The following CSMD1 variants were observed in gnomAD, a reference collection of about 807,000 sequenced individuals.
CSMD1 encodes the protein CUB and sushi domain-containing protein 1.
Under a neutral mutation model 417.5 loss-of-function variants are expected in CSMD1, and 213 were observed. That is an observed-to-expected ratio of 0.51 (90% confidence interval 0.46 to 0.57). The LOEUF (loss-of-function observed/expected upper bound fraction) is 0.57. CSMD1 is among the 20% of genes least tolerant of loss of function. The pLI, the probability that CSMD1 is intolerant of heterozygous loss-of-function variation, is 0.00. For missense variants in CSMD1, 6,923 were observed against 4,529.7 expected, an observed-to-expected ratio of 1.53 and a Z score of -15.17; for synonymous variants, 2,862 against 1,736.8, an observed-to-expected ratio of 1.65 and a Z score of -16.11.
intron 37 of CSMD1, among the ~76,000 whole-genome samples, chr8:3,168,221 C>T (rs889590304): frequency 7.2e-5 from 11 of 152,088 alleles, no homozygotes; most frequent in Admixed American, 6.5e-4. Flanking sequence ...ATTCAACGCC[C>T]AGGTAGACCA....
At chr8:3,484,103 AT>A (rs1156544762) in intron 11 of CSMD1, among the ~76,000 whole-genome samples, 2 of 152,198 alleles carry the variant, frequency 1.3e-5, no homozygotes, top group African/African-American at 4.8e-5. Context: ...ACTTATATAG[AT>A]TGGCACCTGC....
chr8:3,956,538 G>C lies in CSMD1; in HGVS notation c.818+41365C>G, dbSNP rs2740853. Among the ~76,000 whole-genome samples, 8 of 152,186 alleles carry C rather than the reference G, an allele frequency of 5.3e-5. No individual in the cohort carries two copies. The East Asian group carries it at 7.7e-4, about 15-fold the overall frequency. On this transcript the variant is annotated intron_variant, in intron 5 of 69. Coordinates refer to ENST00000635120, the MANE Select transcript of CSMD1 (RefSeq NM_033225.6). The stretch of plus-strand genomic sequence containing the variant: ...CAGGTGGAAACTCAGTAAAAATAAT[G>C]GCTACTTTTTATCAAATACTTAATA...
intron 3 of CSMD1, among the ~76,000 whole-genome samples, chr8:4,409,764 A>T (rs1008001940): frequency 1.3e-5 from 2 of 152,008 alleles, no homozygotes; most frequent in African/African-American, 4.8e-5. Context: ...TAACTGTTCC[A>T]GGAGAATGTA....
chr8:3,975,311 C>T lies in CSMD1; in HGVS notation c.818+22592G>A, dbSNP rs952873327. 5.3e-5 allele frequency among the ~76,000 whole-genome samples: 8 copies of T among 152,192 alleles called. No homozygotes were observed. In the East Asian group the frequency reaches 7.7e-4, roughly 15 times the overall value. ...TTTTATACCTTTTTTACACAAAATG[C>T]CCTTAGAACAGTTTGGATGTTTGTG... On this transcript the variant is annotated intron_variant, in intron 5 of 69. Transcript: ENST00000635120.
chr8:4,180,510 T>A (rs1477219872), intron 3 of CSMD1, among the ~76,000 whole-genome samples: 4 of 151,584 alleles, frequency 2.6e-5, no homozygotes, highest in African/African-American at 4.8e-5. Context: ...CACACCAGCA[T>A]GGCACATGTA....
intron 26 of CSMD1, among the ~76,000 whole-genome samples, chr8:3,273,683 T>G (rs948186456): frequency 6.6e-6 from 1 of 152,346 alleles, no homozygotes; most frequent in Admixed American, 6.5e-5. Context: ...GTCCAGGAAT[T>G]TATCCATTTC....
intron 23 of CSMD1, among the ~76,000 whole-genome samples, chr8:3,318,547 A>C (rs541926656): frequency 6.1e-4 from 93 of 152,346 alleles, no homozygotes; most frequent in African/African-American, 2.2e-3. Context: ...CCATTCATTA[A>C]TTCAACACAT....
chr8:4,374,349 A>G (rs1802583188), intron 3 of CSMD1, among the ~76,000 whole-genome samples: 1 of 152,156 alleles, frequency 6.6e-6, no homozygotes, highest in Non-Finnish European at 1.5e-5. Context: ...TATTTTCAGA[A>G]TCTGATTATA....
At chr8:3,119,716 A>C (rs1031640521) in intron 41 of CSMD1, among the ~76,000 whole-genome samples, 1 of 152,226 alleles carries the variant, frequency 6.6e-6, no homozygotes, top group Non-Finnish European at 1.5e-5. Context: ...TTGAATATTT[A>C]GGCACACCTT....
chr8:3,032,783 T>C (rs910141358), intron 50 of CSMD1, among the ~76,000 whole-genome samples: 4 of 152,010 alleles, frequency 2.6e-5, no homozygotes, highest in African/African-American at 9.7e-5. Context: ...TCTACCTTAC[T>C]TCAGAGTCAA....
At chr8:3,670,921 T>C (rs558979043) in intron 7 of CSMD1, among the ~76,000 whole-genome samples, 80 of 126,870 alleles carry the variant, frequency 6.3e-4, no homozygotes, top group African/African-American at 1.8e-3. Context: ...GGGATATATA[T>C]GTATATGGGA....
At chr8:4,066,502 G>A (rs1055591329) in intron 3 of CSMD1, among the ~76,000 whole-genome samples, 2 of 152,102 alleles carry the variant, frequency 1.3e-5, no homozygotes, top group South Asian at 2.1e-4. Context: ...TGACTTGATA[G>A]AAAACAATTT....
intron 6 of CSMD1, among the ~76,000 whole-genome samples, chr8:3,752,897 T>C (rs1445626725): frequency 1.3e-5 from 2 of 152,072 alleles, no homozygotes; most frequent in Non-Finnish European, 2.9e-5. Context: ...GATGAAAGCA[T>C]TATGGATTTT....
chr8:3,511,011 A>G (rs925189367), intron 10 of CSMD1, among the ~76,000 whole-genome samples: 2 of 151,878 alleles, frequency 1.3e-5, no homozygotes, highest in Non-Finnish European at 2.9e-5. Flanking sequence ...CCAAACAAAG[A>G]AAACGTGGCA....
At chr8:4,966,396 CAA>C (rs935972937) in intron 1 of CSMD1, among the ~76,000 whole-genome samples, 1 of 151,688 alleles carries the variant, frequency 6.6e-6, no homozygotes, top group African/African-American at 2.4e-5. Flanking sequence ...AAAACAACAA[CAA>C]AAAAAGAGTT....
chr8:4,836,809 G>C (rs552784516), intron 1 of CSMD1, among the ~76,000 whole-genome samples: 115 of 152,002 alleles, frequency 7.6e-4, no homozygotes, highest in Non-Finnish European at 1.2e-3. Flanking sequence ...ATCGGGCCCT[G>C]TGTTAGTTTC....
intron 4 of CSMD1, among the ~76,000 whole-genome samples, chr8:4,011,373 A>G (rs578153395): frequency 6.6e-6 from 1 of 152,254 alleles, no homozygotes; most frequent in Non-Finnish European, 1.5e-5. Flanking sequence ...TTTTGATTCC[A>G]TGTCTGCTTC....
rs528063319 is a variant in CSMD1, at chr8:3,646,920, CA to C, written c.1010-30124del. 3.6e-4 allele frequency among the ~76,000 whole-genome samples: 55 copies of C among 152,030 alleles called. 1 individual carries two copies. In the South Asian group the frequency reaches 9.4e-3, roughly 26 times the overall value. On this transcript the variant is annotated intron_variant, in intron 7 of 69. Coordinates refer to ENST00000635120, the MANE Select transcript of CSMD1 (RefSeq NM_033225.6). ...TGAGTAGGCTTAGGTAGGGCAGATA[CA>C]AAAAAAATTTAAAACCTCAACAATG...
chr8:4,193,744 C>G (rs976218641), intron 3 of CSMD1, among the ~76,000 whole-genome samples: 2 of 152,056 alleles, frequency 1.3e-5, no homozygotes, highest in African/African-American at 2.4e-5. Flanking sequence ...GAATGTTTAA[C>G]AAGTGATTTT....
Sources: gnomAD v4.1 joint callset for allele counts (sites outside exome capture counted in the v4.1 genomes callset) on GRCh38, gnomAD v4.1.1 for gene constraint, MANE v1.5 for transcripts, NCBI Gene and HGNC (gene_info 2026-07-23, HGNC 2026-07-21) for gene names.